NDUFA10: variants seen among roughly 807,000 people sequenced by gnomAD.
The protein encoded by NDUFA10 is NADH dehydrogenase [ubiquinone] 1 alpha subcomplex subunit 10, mitochondrial.
Under a neutral mutation model 47.8 loss-of-function variants are expected in NDUFA10, and 40 were observed. The ratio of observed to expected loss-of-function variants is 0.84; its 90% CI spans 0.65 to 1.09. The LOEUF is 1.09. Ranked by LOEUF, NDUFA10 falls within the 50% of genes least tolerant of loss-of-function variation. The pLI is 0.00. For missense variants in NDUFA10, 413 were observed against 451.1 expected (o/e 0.92, Z 0.76); for synonymous variants, 183 against 172.2 (o/e 1.06, Z -0.49).
chr2:240,006,602 T>C (rs1404027003), intron 7 of NDUFA10, among the ~76,000 whole-genome samples: 1 of 152,254 alleles, frequency 6.6e-6, no homozygotes, highest in Non-Finnish European at 1.5e-5. Context: ...TTATGCTTAA[T>C]ATATAAAATA....
At chr2:239,903,007 G>A (rs1280774908) in intron 4 of NDUFA10, among the ~76,000 whole-genome samples, 4 of 152,166 alleles carry the variant, frequency 2.6e-5, no homozygotes, top group Admixed American at 6.5e-5. Flanking sequence ...GGTCAGACAC[G>A]TGCCTGTTTC....
rs1697336537 is a variant in NDUFA10 at position 240,016,120 on chromosome 2, T to C, written c.548-1260A>G. On this transcript the variant is annotated intron_variant, in intron 4 of 9. Coordinates refer to ENST00000252711, the MANE Select transcript of NDUFA10 (RefSeq NM_004544.4). The surrounding 1 kb of genome is among the most constrained non-coding windows in gnomAD (Gnocchi z 4.4). Reference sequence around the variant, plus strand: ...AGTAACCTCACTCTAGAGGCAACTGTGGGATGAGCCTTTGGCTCAGGGTCA... The same window carrying C: ...AGTAACCTCACTCTAGAGGCAACTGCGGGATGAGCCTTTGGCTCAGGGTCA... 6.6e-6 allele frequency among the ~76,000 whole-genome samples: 1 copy of C among 151,438 alleles called. No individual in the cohort carries two copies.
At chr2:240,019,284 C>G (rs1317901527) in intron 3 of NDUFA10, among the ~76,000 whole-genome samples, 1 of 152,196 alleles carries the variant, frequency 6.6e-6, no homozygotes, top group Admixed American at 6.5e-5. Flanking sequence ...CTGTGGCGCC[C>G]TTAGCTCCCA....
At position 240,022,313 on chromosome 2, in the gene NDUFA10, T is replaced by C; in HGVS notation, c.103A>G (p.Lys35Glu). The part of the protein sequence containing the change: ...VRGIHSSVQC[K>E]LRYGMWHFLL... ...AAATGCCACATTCCATAGCGCAGTTTGCACTGCACACTGCTATGAATTCCT... is the reference window on the plus strand; with the variant it reads ...AAATGCCACATTCCATAGCGCAGTTCGCACTGCACACTGCTATGAATTCCT... The change falls in exon 2 of 10, where the codon AAA (lysine) becomes GAA (glutamate). Residue 35 changes from lysine (K) to glutamate (E), a missense_variant. Physicochemically the swap from Lys to Glu is moderately conservative, Grantham distance 56 (BLOSUM62 1). Transcript: ENST00000252711. 6.2e-7 allele frequency: 1 copy of C among 1,614,108 alleles called. No individual in the cohort carries two copies. Among genetic ancestry groups the C allele is most frequent in the Non-Finnish European group, 8.5e-7 (1 of 1,180,022 alleles).
At chr2:239,911,143 GGT>G (rs149802702) in intron 4 of NDUFA10, among the ~76,000 whole-genome samples, 5,333 of 152,290 alleles carry the variant, frequency 0.035, 267 homozygotes, top group African/African-American at 0.11. Flanking sequence ...CCTTGGAATG[GGT>G]TCTATGTGTC....
At chr2:239,922,291 C>A (rs1209410330) in intron 4 of NDUFA10, among the ~76,000 whole-genome samples, 1 of 152,168 alleles carries the variant, frequency 6.6e-6, no homozygotes, top group Non-Finnish European at 1.5e-5. Context: ...GCTGGCCAAC[C>A]CCACAGTCTG....
chr2:239,897,032 AATT>A (rs1693411822), intron 4 of NDUFA10, among the ~76,000 whole-genome samples: 1 of 152,182 alleles, frequency 6.6e-6, no homozygotes, highest in African/African-American at 2.4e-5. Flanking sequence ...GTTTATAAGG[AATT>A]ATATTTTCAA....
intron 9 of NDUFA10, among the ~76,000 whole-genome samples, chr2:239,979,501 A>T (rs1334849155): frequency 6.6e-6 from 1 of 152,126 alleles, no homozygotes; most frequent in Non-Finnish European, 1.5e-5. Context: ...CTTCAGCAAT[A>T]GTCTGCTTAA....
intron 4 of NDUFA10, among the ~76,000 whole-genome samples, chr2:239,937,231 T>C (rs1412338445): frequency 1.3e-5 from 2 of 152,228 alleles, no homozygotes; most frequent in African/African-American, 4.8e-5. Flanking sequence ...ATAGCTTCTA[T>C]ACCATAAAAT....
Position 239,977,650 on chromosome 2 carries a change from A to C in NDUFA10, c.999+12424T>G, listed in dbSNP as rs537413465. Among the ~76,000 whole-genome samples the C allele has an allele frequency of 2.4e-4, 37 of 152,348 alleles. 1 individual carries two copies. Among genetic ancestry groups the C allele is most frequent in the Non-Finnish European group, 5.1e-4 (35 of 68,030 alleles). ...GGATGTTCAACCATGTATATTTATA[A>C]TGTTAAGCACACAAACTGCTGCTTT... On this transcript the variant is annotated intron_variant, in intron 9 of 9. Transcript: ENST00000252711.
chr2:239,969,506 G>A (rs1695225001), intron 9 of NDUFA10: 1 of 369,692 alleles, frequency 2.7e-6, no homozygotes, highest in South Asian at 2.0e-5. Flanking sequence ...GGTCAGTGAT[G>A]GAGCACAGAA....
intron 3 of NDUFA10, chr2:240,020,966 A>T (rs1334424004): frequency 2.8e-5 from 17 of 600,014 alleles, no homozygotes; most frequent in Non-Finnish European, 5.0e-5. Flanking sequence ...TGCCTTGAGA[A>T]TTCTATACAA....
intron 4 of NDUFA10, among the ~76,000 whole-genome samples, chr2:239,927,130 C>A (rs1694079441): frequency 2.0e-5 from 3 of 152,130 alleles, no homozygotes; most frequent in Admixed American, 2.0e-4. Context: ...CAGTTATACC[C>A]TATCAGACAT....
chr2:239,966,148 C>T (rs1467741991), intron 9 of NDUFA10, among the ~76,000 whole-genome samples: 1 of 152,194 alleles, frequency 6.6e-6, no homozygotes, highest in Non-Finnish European at 1.5e-5. Flanking sequence ...TGTTCCAGGG[C>T]GAGGCCTGGA....
At chr2:240,010,797 C>G (rs1458871326) in intron 6 of NDUFA10, among the ~76,000 whole-genome samples, 1 of 152,074 alleles carries the variant, frequency 6.6e-6, no homozygotes, top group Non-Finnish European at 1.5e-5. Flanking sequence ...TGTAAATATT[C>G]AGTATTTAAC....
intron 9 of NDUFA10, among the ~76,000 whole-genome samples, chr2:239,988,834 T>C (rs1696114707): frequency 6.6e-6 from 1 of 150,484 alleles, no homozygotes. Context: ...CACACACGTG[T>C]ACAAGGACAG....
At chr2:240,018,010 A>G in intron 4 of NDUFA10, 1 of 936,674 alleles carries the variant, frequency 1.1e-6, no homozygotes, top group East Asian at 2.6e-5. Flanking sequence ...TGACTCCTCA[A>G]GGTCAGCCTG....
chr2:240,009,197 G>A (rs1268320734), intron 6 of NDUFA10, among the ~76,000 whole-genome samples: 3 of 152,136 alleles, frequency 2.0e-5, no homozygotes, highest in Non-Finnish European at 2.9e-5. Context: ...TACAAAACTC[G>A]CTACATGTCA....
chr2:240,020,442 T>G (rs986677353), intron 3 of NDUFA10, among the ~76,000 whole-genome samples: 1 of 152,240 alleles, frequency 6.6e-6, no homozygotes, highest in Non-Finnish European at 1.5e-5. Flanking sequence ...GCAGTGCATC[T>G]GCGGTCCAAC....
Sources: gnomAD v4.1 joint callset for allele counts (sites outside exome capture counted in the v4.1 genomes callset) on GRCh38, gnomAD v4.1.1 for gene constraint, Gnocchi (gnomAD v3.1) non-coding constraint, MANE v1.5 for transcripts, NCBI Gene and HGNC (gene_info 2026-07-23, HGNC 2026-07-21) for gene names.